Variants in STX8 observed in about 807,000 individuals in gnomAD.
STX8 encodes syntaxin 8, also known as syntaxin-8.
Under a neutral mutation model 37.5 loss-of-function variants are expected in STX8, and 23 were observed. The ratio of observed to expected loss-of-function variants is 0.61; its 90% CI spans 0.44 to 0.87. STX8 has a LOEUF of 0.87. STX8 is among the 40% of genes least tolerant of loss of function. The pLI is 0.00. For missense variants in STX8, 313 were observed against 284.7 expected (o/e 1.10, Z -0.71); for synonymous variants, 115 against 99.1 (o/e 1.16, Z -0.95).
At chr17:9,341,097 T>G (rs1910341506) in intron 7 of STX8, among the ~76,000 whole-genome samples, 1 of 151,250 alleles carries the variant, frequency 6.6e-6, no homozygotes, top group African/African-American at 2.4e-5. Context: ...ATACCACCTT[T>G]AAAGTATCAT....
At chr17:9,506,325 C>G (rs1410326072) in intron 4 of STX8, among the ~76,000 whole-genome samples, 1 of 145,894 alleles carries the variant, frequency 6.9e-6, no homozygotes, top group Non-Finnish European at 1.5e-5. Context: ...GAGCTCTCAA[C>G]AGATTCATGA....
intron 6 of STX8, among the ~76,000 whole-genome samples, chr17:9,441,700 G>A (rs1158162750): frequency 3.3e-5 from 4 of 122,652 alleles, no homozygotes; most frequent in African/African-American, 6.3e-5. Flanking sequence ...TTTTTGAGAC[G>A]GAGTCTCGCT....
At chr17:9,512,356 T>A (rs1056465951) in intron 4 of STX8, among the ~76,000 whole-genome samples, 3 of 152,156 alleles carry the variant, frequency 2.0e-5, no homozygotes, top group African/African-American at 7.2e-5. Flanking sequence ...AAAGCTGTAG[T>A]AATGTACTAC....
At chr17:9,343,950 A>G (rs951326544) in intron 7 of STX8, among the ~76,000 whole-genome samples, 9 of 152,218 alleles carry the variant, frequency 5.9e-5, no homozygotes, top group African/African-American at 2.2e-4. Context: ...CTTTTAAAAA[A>G]TGTTCTTTTT....
intron 6 of STX8, chr17:9,452,098 T>A (rs1416647753): frequency 6.6e-6 from 1 of 152,164 alleles, no homozygotes; most frequent in African/African-American, 2.4e-5. Context: ...ACCTGAGATA[T>A]GACTCAAACT....
At chr17:9,475,845 G>A (rs969179288) in intron 6 of STX8, among the ~76,000 whole-genome samples, 2 of 152,150 alleles carry the variant, frequency 1.3e-5, no homozygotes, top group Admixed American at 6.5e-5. Flanking sequence ...ACACATCACA[G>A]CCTGTCTTCC....
intron 7 of STX8, among the ~76,000 whole-genome samples, chr17:9,337,701 C>T (rs1054986349): frequency 3.9e-5 from 6 of 152,154 alleles, no homozygotes; most frequent in East Asian, 3.9e-4. Flanking sequence ...CCAGATACTG[C>T]GTCTGTGCTG....
At chr17:9,541,406 C>T (rs574995660) in intron 4 of STX8, among the ~76,000 whole-genome samples, 11 of 152,204 alleles carry the variant, frequency 7.2e-5, no homozygotes, top group East Asian at 5.8e-4. Flanking sequence ...AGAAGATCTC[C>T]GAAGCAATGA....
Position 9,488,821 on chromosome 17 carries a change from A to AGAGT in STX8, c.541+3007_541+3008insACTC, listed in dbSNP as rs563653738. Reference sequence around the variant, plus strand: ...GAGAAAGAGAGAGAGAGAGAGAGAGAGTGTGTGTGTGTGTGTGTGTGTGTG... The same window carrying AGAGT: ...GAGAAAGAGAGAGAGAGAGAGAGAGAGAGTGTGTGTGTGTGTGTGTGTGTGTGTG... On this transcript the variant is annotated intron_variant, in intron 6 of 7. Coordinates refer to ENST00000306357, the MANE Select transcript of STX8 (RefSeq NM_004853.3). Among the ~76,000 whole-genome samples the AGAGT allele has an allele frequency of 7.3e-3, 1,047 of 143,988 alleles. 7 individuals carry two copies. Among genetic ancestry groups the AGAGT allele is most frequent in the South Asian group, 0.037 (161 of 4,390 alleles). 94.5% of individuals were successfully genotyped at this position (143,988 alleles called of 152,430 possible). A position where few individuals can be genotyped will look rare whatever the true frequency, so the allele number is the denominator to read the frequency against.
chr17:9,400,100 G>A (rs78722316), intron 6 of STX8, among the ~76,000 whole-genome samples: 6 of 124,330 alleles, frequency 4.8e-5, no homozygotes, highest in African/African-American at 1.9e-4. Flanking sequence ...TTAATTTGTT[G>A]TTATTATTTT....
At chr17:9,310,667 T>A (rs1380782711) in intron 7 of STX8, among the ~76,000 whole-genome samples, 1 of 152,026 alleles carries the variant, frequency 6.6e-6, no homozygotes, top group Non-Finnish European at 1.5e-5. Flanking sequence ...GGAGGGGTGG[T>A]CCACGGAGAT....
chr17:9,344,900 T>C (rs1910482588), intron 7 of STX8, among the ~76,000 whole-genome samples: 1 of 152,222 alleles, frequency 6.6e-6, no homozygotes, highest in South Asian at 2.1e-4. Context: ...TCCTTGGTCA[T>C]AACTTGGCAG....
At chr17:9,485,879 C>T (rs952206641) in intron 6 of STX8, among the ~76,000 whole-genome samples, 1 of 152,158 alleles carries the variant, frequency 6.6e-6, no homozygotes, top group Non-Finnish European at 1.5e-5. Flanking sequence ...AGCCACCATG[C>T]TCGGACAATC....
At position 9,575,783 on chromosome 17, in the gene STX8, G is replaced by T; in HGVS notation, c.17+9C>A. ...CCTCCACGCACCGCCGCCCTCACCC[G>T]GGACTCACCAGGGGTCCGGTGCCAT... is the stretch of plus-strand genomic sequence containing the variant. On this transcript the variant is annotated intron_variant, in intron 1 of 7. Transcript: ENST00000306357. 1 of 1,544,572 alleles carries T rather than the reference G, an allele frequency of 6.5e-7. No individual in the cohort carries two copies.
chr17:9,357,523 C>A (rs1910926935), intron 7 of STX8, among the ~76,000 whole-genome samples: 1 of 151,726 alleles, frequency 6.6e-6, no homozygotes, highest in South Asian at 2.1e-4. Context: ...GTAGAAAACT[C>A]CATCTCTACA....
At chr17:9,350,304 T>G (rs1910663602) in intron 7 of STX8, among the ~76,000 whole-genome samples, 1 of 152,248 alleles carries the variant, frequency 6.6e-6, no homozygotes, top group Non-Finnish European at 1.5e-5. Context: ...TTAAAACTTA[T>G]GAATTGTTTA....
chr17:9,567,713 G>T (rs1907517365), intron 2 of STX8, among the ~76,000 whole-genome samples: 1 of 152,134 alleles, frequency 6.6e-6, no homozygotes, highest in African/African-American at 2.4e-5. Flanking sequence ...TTGAGACAGG[G>T]TCTCACTCTG....
intron 7 of STX8, among the ~76,000 whole-genome samples, chr17:9,336,650 G>A (rs1301438461): frequency 2.6e-5 from 4 of 152,126 alleles, no homozygotes; most frequent in Non-Finnish European, 5.9e-5. Flanking sequence ...TGGCCAGGCT[G>A]GTGTCGAACT....
chr17:9,448,703 T>C (rs1249620960), intron 6 of STX8, among the ~76,000 whole-genome samples: 2 of 152,170 alleles, frequency 1.3e-5, no homozygotes, highest in Non-Finnish European at 2.9e-5. Flanking sequence ...TTGATGAAAA[T>C]GCTATGAGCT....
Sources: gnomAD v4.1 joint callset for allele counts (sites outside exome capture counted in the v4.1 genomes callset) on GRCh38, gnomAD v4.1.1 for gene constraint, MANE v1.5 for transcripts, NCBI Gene and HGNC (gene_info 2026-07-23, HGNC 2026-07-21) for gene names.